Variants in LMBR1 observed in about 807,000 individuals in gnomAD.
LMBR1 encodes limb region 1 protein homolog.
In LMBR1, 52 loss-of-function variants were observed where a neutral mutation model predicts 73.9. The ratio of observed to expected loss-of-function variants is 0.70; its 90% CI spans 0.56 to 0.89. The LOEUF is 0.89. Among genes scored for constraint, LMBR1 ranks in the 40% least tolerant of loss-of-function variants. The probability of loss-of-function intolerance (pLI) is 0.00; values close to 1 mark genes in which losing one functional copy is unlikely to be tolerated. For synonymous variants in LMBR1, 215 were observed against 209.4 expected, an observed-to-expected ratio of 1.03 and a Z score of -0.23; for missense variants, 539 against 579.8, an observed-to-expected ratio of 0.93 and a Z score of 0.72.
At chr7:156,722,583 T>C (rs767288026) in intron 15 of LMBR1, among the ~76,000 whole-genome samples, 2 of 152,186 alleles carry the variant, frequency 1.3e-5, no homozygotes, top group Admixed American at 6.6e-5. Flanking sequence ...GGGCATAACA[T>C]GTAATGCAGT....
Position 156,681,270 on chromosome 7 carries a change from G to T in LMBR1, c.*2808C>A. 1 of 419,154 alleles carries T rather than the reference G, an allele frequency of 2.4e-6. No individual in the cohort carries two copies. The highest frequency in any genetic ancestry group is 4.6e-6 in the Non-Finnish European group (1 of 216,386). 26.0% of individuals were successfully genotyped at this position (419,154 alleles called of 1,614,324 possible). ...GAGGCCGCACTGCCGCTGAGAGCAGGTACACGTGCGCCTTTAACACATCTG... is the reference window on the plus strand; with the variant it reads ...GAGGCCGCACTGCCGCTGAGAGCAGTTACACGTGCGCCTTTAACACATCTG... On this transcript the variant is annotated 3_prime_UTR_variant, in exon 17 of 17. Transcript: ENST00000353442.
chr7:156,797,543 C>T (rs1830255747), intron 4 of LMBR1, among the ~76,000 whole-genome samples: 1 of 152,236 alleles, frequency 6.6e-6, no homozygotes, highest in Admixed American at 6.5e-5. Flanking sequence ...AACCCCTCTG[C>T]TCTCAGAGCT....
intron 1 of LMBR1, among the ~76,000 whole-genome samples, chr7:156,875,906 T>TAA (rs200997034): frequency 4.2e-5 from 6 of 141,270 alleles, no homozygotes; most frequent in Non-Finnish European, 6.2e-5. Context: ...AAAATACAAT[T>TAA]AAAAAAAAAA....
intron 9 of LMBR1, among the ~76,000 whole-genome samples, chr7:156,744,691 T>C (rs1563261653): frequency 6.6e-6 from 1 of 152,238 alleles, no homozygotes; most frequent in Non-Finnish European, 1.5e-5. Flanking sequence ...TGAAGGACTA[T>C]ATTAGTATGC....
At chr7:156,795,252 CTT>C (rs1168775566) in intron 5 of LMBR1, among the ~76,000 whole-genome samples, 1 of 152,178 alleles carries the variant, frequency 6.6e-6, no homozygotes, top group Admixed American at 6.5e-5. Context: ...TCAAGATATC[CTT>C]TCCTTTCAGG....
At chr7:156,876,272 A>C (rs568710472) in intron 1 of LMBR1, among the ~76,000 whole-genome samples, 3 of 152,216 alleles carry the variant, frequency 2.0e-5, no homozygotes, top group African/African-American at 4.8e-5. Flanking sequence ...AAAGTATCAC[A>C]ATCATAAATA....
chr7:156,765,229 TA>T (rs1255052295), intron 5 of LMBR1, among the ~76,000 whole-genome samples: 1 of 152,224 alleles, frequency 6.6e-6, no homozygotes, highest in Non-Finnish European at 1.5e-5. Flanking sequence ...GTAATTCCCA[TA>T]ATCCCCATGT....
Position 156,830,761 on chromosome 7 carries a change from A to G in LMBR1, c.179+2992T>C, listed in dbSNP as rs1449698506. Among the ~76,000 whole-genome samples, 4 of 152,336 alleles carry G rather than the reference A, an allele frequency of 2.6e-5. No individual in the cohort carries two copies. In the East Asian group the frequency reaches 5.8e-4, roughly 22 times the overall value. On this transcript the variant is annotated intron_variant, in intron 3 of 16. Transcript: ENST00000353442. ...AGCGGTAACACTGTCAGGATCACCTATGGAGCTTTTGTTAAAGCCCATCTC... is the reference window on the plus strand; with the variant it reads ...AGCGGTAACACTGTCAGGATCACCTGTGGAGCTTTTGTTAAAGCCCATCTC...
intron 15 of LMBR1, among the ~76,000 whole-genome samples, chr7:156,719,671 G>C (rs1814079720): frequency 6.6e-6 from 1 of 152,032 alleles, no homozygotes; most frequent in Non-Finnish European, 1.5e-5. Context: ...AAAGAACAAA[G>C]CTGGAGGCAT....
intron 15 of LMBR1, among the ~76,000 whole-genome samples, chr7:156,698,074 G>C (rs2132015666): frequency 6.6e-6 from 1 of 152,308 alleles, no homozygotes; most frequent in Middle Eastern, 3.4e-3. Context: ...CCAGGACAAA[G>C]ATGCTACAGG....
At chr7:156,769,177 C>G (rs1281573378) in intron 5 of LMBR1, among the ~76,000 whole-genome samples, 1 of 152,056 alleles carries the variant, frequency 6.6e-6, no homozygotes, top group African/African-American at 2.4e-5. Context: ...CAAAAAGTCA[C>G]CTGATGCCAG....
At chr7:156,892,775 G>A (rs1344158158) in intron 1 of LMBR1, among the ~76,000 whole-genome samples, 153 bp downstream of exon 1, 1 of 132,222 alleles carries the variant, frequency 7.6e-6, no homozygotes, top group Non-Finnish European at 1.7e-5. Context: ...GGAGGGGAGA[G>A]GAGGGGTGGG....
At chr7:156,859,670 A>C (rs574344032) in intron 1 of LMBR1, among the ~76,000 whole-genome samples, 1 of 152,314 alleles carries the variant, frequency 6.6e-6, no homozygotes, top group East Asian at 1.9e-4. Flanking sequence ...ATTAATGGAG[A>C]GGTATTCCAC....
intron 9 of LMBR1, among the ~76,000 whole-genome samples, chr7:156,754,517 C>T (rs952813359): frequency 1.3e-4 from 19 of 151,638 alleles, no homozygotes; most frequent in Non-Finnish European, 2.6e-4. Flanking sequence ...ACTAAGAAAG[C>T]GCCGCCAGCA....
chr7:156,820,986 C>A (rs1345291261), intron 4 of LMBR1, among the ~76,000 whole-genome samples: 1 of 152,222 alleles, frequency 6.6e-6, no homozygotes, highest in Non-Finnish European at 1.5e-5. Flanking sequence ...CCCTGCCATC[C>A]TTGTGGGTAA....
At chr7:156,788,699 T>C (rs1265688938) in intron 5 of LMBR1, among the ~76,000 whole-genome samples, 1 of 152,218 alleles carries the variant, frequency 6.6e-6, no homozygotes, top group East Asian at 1.9e-4. Flanking sequence ...GAGGTATATT[T>C]ACAGAATGAA....
chr7:156,688,253 CAAGTA>C, intron 15 of LMBR1, 62 bp from the exon 16 acceptor site: 1 of 1,202,024 alleles, frequency 8.3e-7, no homozygotes, highest in Non-Finnish European at 1.2e-6. Flanking sequence ...TAGTGTGCTA[CAAGTA>C]AAGTACAAGT....
At chr7:156,852,508 T>C (rs1017379130) in intron 1 of LMBR1, among the ~76,000 whole-genome samples, 6 of 152,204 alleles carry the variant, frequency 3.9e-5, no homozygotes, top group African/African-American at 1.4e-4. Context: ...TCTACACCCC[T>C]GACACAATAA....
chr7:156,701,240 TTGATA>T (rs1473058345), intron 15 of LMBR1, among the ~76,000 whole-genome samples: 1 of 151,606 alleles, frequency 6.6e-6, no homozygotes, highest in Non-Finnish European at 1.5e-5. Flanking sequence ...AACAGAAATG[TTGATA>T]TGACTGTTCA....
Sources: allele counts gnomAD v4.1 joint callset (sites outside exome capture counted in the v4.1 genomes callset), GRCh38; gene constraint gnomAD v4.1.1; transcripts MANE v1.5; gene names NCBI Gene and HGNC (gene_info 2026-07-23, HGNC 2026-07-21).